EFCAB6: variants seen among roughly 807,000 people sequenced by gnomAD.
EFCAB6 encodes EF-hand calcium binding domain 6, also known as EF-hand calcium-binding domain-containing protein 6.
A neutral mutation model predicts 169.8 loss-of-function variants in EFCAB6; 156 were observed. The observed-to-expected ratio is 0.92, with a 90% CI of 0.81 to 1.05. EFCAB6 has a LOEUF of 1.05. Among genes scored for constraint, EFCAB6 ranks in the 50% least tolerant of loss-of-function variants. The pLI is 0.00. For missense variants in EFCAB6, 1,800 were observed against 1,829.1 expected, an observed-to-expected ratio of 0.98 and a Z score of 0.29; for synonymous variants, 698 against 676.4, an observed-to-expected ratio of 1.03 and a Z score of -0.50.
At chr22:43,709,111 G>A (rs129378) in intron 10 of EFCAB6, among the ~76,000 whole-genome samples, 3 of 151,934 alleles carry the variant, frequency 2.0e-5, no homozygotes, top group African/African-American at 4.8e-5. Context: ...GGACAGAGTC[G>A]TGCTCTGTTG....
At chr22:43,654,501 C>A (rs1017935591) in intron 17 of EFCAB6, among the ~76,000 whole-genome samples, 1 of 152,186 alleles carries the variant, frequency 6.6e-6, no homozygotes, top group Non-Finnish European at 1.5e-5. Context: ...GAGAAGGGCA[C>A]CCGCCTCTGC....
chr22:43,704,723 C>T (rs2058892476), intron 10 of EFCAB6, among the ~76,000 whole-genome samples: 1 of 151,922 alleles, frequency 6.6e-6, no homozygotes, highest in South Asian at 2.1e-4. Flanking sequence ...CTACGCAAGC[C>T]TCATGGTAAC....
chr22:43,760,877 G>A (rs2061140476), intron 5 of EFCAB6, among the ~76,000 whole-genome samples: 1 of 152,198 alleles, frequency 6.6e-6, no homozygotes, highest in South Asian at 2.1e-4. Context: ...TGGCCAAGCT[G>A]GTCTTGAACT....
intron 8 of EFCAB6, among the ~76,000 whole-genome samples, chr22:43,725,369 G>A (rs2059691854): frequency 1.3e-5 from 2 of 152,118 alleles, no homozygotes; most frequent in African/African-American, 4.8e-5. Flanking sequence ...TTGAACTCCC[G>A]ACTTCAGGTG....
chr22:43,531,055 C>T, intron 30 of EFCAB6, 91 bp from the exon 31 acceptor site: 1 of 1,551,598 alleles, frequency 6.4e-7, no homozygotes. Flanking sequence ...CCTCGCCCAG[C>T]CCTGCTCCGG....
intron 6 of EFCAB6, among the ~76,000 whole-genome samples, chr22:43,737,348 G>A (rs2060179490): frequency 6.9e-6 from 1 of 143,970 alleles, no homozygotes; most frequent in Non-Finnish European, 1.5e-5. Flanking sequence ...ACACACACCT[G>A]TGCATGTACT....
chr22:43,726,982 G>A (rs1474751674), intron 8 of EFCAB6, among the ~76,000 whole-genome samples: 4 of 152,076 alleles, frequency 2.6e-5, no homozygotes, highest in African/African-American at 9.7e-5. Flanking sequence ...TTATGAGACA[G>A]AAAAAACCTC....
chr22:43,554,212 C>T (rs527576868), intron 27 of EFCAB6: 1 of 152,640 alleles, frequency 6.6e-6, no homozygotes, highest in East Asian at 1.9e-4. Flanking sequence ...TGCCTTTGTT[C>T]ATGGTCCAGA....
At chr22:43,677,327 G>A (rs1200992564) in intron 13 of EFCAB6, among the ~76,000 whole-genome samples, 1 of 152,130 alleles carries the variant, frequency 6.6e-6, no homozygotes, top group Non-Finnish European at 1.5e-5. Context: ...GAGAACCAGA[G>A]TAGTCACTCA....
chr22:43,659,243 G>A (rs1448213927), intron 17 of EFCAB6, among the ~76,000 whole-genome samples: 1 of 152,164 alleles, frequency 6.6e-6, no homozygotes, highest in Non-Finnish European at 1.5e-5. Flanking sequence ...TCACATAACT[G>A]ATGTGATACA....
At chr22:43,539,575 G>T (rs2047575495) in intron 28 of EFCAB6, among the ~76,000 whole-genome samples, 1 of 152,174 alleles carries the variant, frequency 6.6e-6, no homozygotes, top group African/African-American at 2.4e-5. Flanking sequence ...GACAAAAAAA[G>T]AGGCTTGGCA....
intron 23 of EFCAB6, among the ~76,000 whole-genome samples, chr22:43,591,323 G>A (rs1331026618): frequency 3.3e-5 from 5 of 151,504 alleles, no homozygotes; most frequent in Non-Finnish European, 7.4e-5. Context: ...CAGGCATGGC[G>A]GTGGGCACCT....
intron 21 of EFCAB6, among the ~76,000 whole-genome samples, chr22:43,612,897 TAAA>T (rs766200489): frequency 8.3e-6 from 1 of 121,030 alleles, no homozygotes. Context: ...CCATCTCAAT[TAAA>T]AAAAAAAAAA....
At position 43,540,658 on chromosome 22, in the gene EFCAB6, C is replaced by T. The variant is rs573090335; in HGVS notation, c.3649-301G>A. On this transcript the variant is annotated intron_variant, in intron 27 of 31. Coordinates refer to ENST00000262726, the MANE Select transcript of EFCAB6 (RefSeq NM_022785.4). Reference sequence around the variant, plus strand: ...TAAATCTTGTGATTAGTCACAGTGCCTGAGCTGCAGTGTATTCGAACATTT... The same window carrying T: ...TAAATCTTGTGATTAGTCACAGTGCTTGAGCTGCAGTGTATTCGAACATTT... 9.6e-5 allele frequency: 92 copies of T among 961,080 alleles called. No homozygotes were observed. In the African/African-American group the frequency reaches 1.4e-3, roughly 15 times the overall value. 59.5% of individuals were successfully genotyped at this position (961,080 alleles called of 1,614,324 possible). A position where few individuals can be genotyped will look rare whatever the true frequency, so the allele number is the denominator to read the frequency against.
intron 17 of EFCAB6, among the ~76,000 whole-genome samples, chr22:43,639,895 C>T (rs1164912977): frequency 6.6e-6 from 1 of 152,144 alleles, no homozygotes; most frequent in African/African-American, 2.4e-5. Context: ...TCCTCGGGCT[C>T]ATTGACTTCT....
chr22:43,687,723 T>C (rs1166441702), intron 10 of EFCAB6, 142 bp from the exon 11 acceptor site: 6 of 518,268 alleles, frequency 1.2e-5, no homozygotes, highest in Non-Finnish European at 2.0e-5. Flanking sequence ...CAAAATCACT[T>C]AGTAAAATAG....
intron 18 of EFCAB6, among the ~76,000 whole-genome samples, chr22:43,633,485 T>G (rs1328886459): frequency 6.6e-6 from 1 of 152,172 alleles, no homozygotes; most frequent in Non-Finnish European, 1.5e-5. Context: ...GAGGCTGAGG[T>G]TGCAGTGAGC....
chr22:43,679,075 T>C (rs1344779998), intron 12 of EFCAB6, among the ~76,000 whole-genome samples: 1 of 152,218 alleles, frequency 6.6e-6, no homozygotes, highest in African/African-American at 2.4e-5. Context: ...TTTAAAGCAT[T>C]GTGTAACCAT....
chr22:43,687,466 C>G lies in EFCAB6; in HGVS notation c.1142+5G>C. ...AAATTTGTTTTTTTTTTTTTTTTTA[C>G]ATACCTATTTCTTTTTGTCAGGGGA... On this transcript the variant is annotated splice_donor_5th_base_variant and intron_variant, in intron 11 of 31. Coordinates refer to ENST00000262726, the MANE Select transcript of EFCAB6 (RefSeq NM_022785.4). 3.2e-6 allele frequency: 2 copies of G among 617,540 alleles called. No homozygotes were observed. Among genetic ancestry groups the G allele is most frequent in the South Asian group, 3.3e-5 (1 of 30,358 alleles). The allele number at this position is 617,540 out of a possible 1,614,324, so 38.3% of individuals were successfully genotyped here.
Sources: allele counts gnomAD v4.1 joint callset (sites outside exome capture counted in the v4.1 genomes callset), GRCh38; gene constraint gnomAD v4.1.1; transcripts MANE v1.5; gene names NCBI Gene and HGNC (gene_info 2026-07-23, HGNC 2026-07-21).